Variants in TRIO observed in about 807,000 individuals in gnomAD.
TRIO encodes the protein trio Rho guanine nucleotide exchange factor.
A neutral mutation model predicts 351.9 loss-of-function variants in TRIO; 58 were observed. The observed-to-expected ratio is 0.16, with a 90% CI of 0.13 to 0.21. The LOEUF (loss-of-function observed/expected upper bound fraction) is 0.21, where lower values mean the gene tolerates loss of function less well. TRIO is among the 10% of genes least tolerant of loss of function. The pLI is 1.00. For synonymous variants in TRIO, 1,758 were observed against 1,595.7 expected, an observed-to-expected ratio of 1.10 and a Z score of -2.42; for missense variants, 3,201 against 4,027.8, an observed-to-expected ratio of 0.79 and a Z score of 5.56.
At position 14,286,790 on chromosome 5, in the gene TRIO, C is replaced by T; in HGVS notation, c.348-81C>T. On this transcript the variant is annotated intron_variant, in intron 3 of 56. Transcript: ENST00000344204. The surrounding 1 kb of genome is among the most constrained non-coding windows in gnomAD (Gnocchi z 4.4). Reference sequence around the variant, plus strand: ...GTCCAGCAGGGGAGGGAAGCTGGGTCTGTGGCACCCAGTGGGACTCTGACC... The same window carrying T: ...GTCCAGCAGGGGAGGGAAGCTGGGTTTGTGGCACCCAGTGGGACTCTGACC... 15 of 1,472,264 alleles carry T rather than the reference C, an allele frequency of 1.0e-5. No homozygotes were observed. The South Asian group carries it at 1.8e-4, about 18-fold the overall frequency. 91.2% of individuals were successfully genotyped at this position (1,472,264 alleles called of 1,614,324 possible). A position where few individuals can be genotyped will look rare whatever the true frequency, so the allele number is the denominator to read the frequency against.
intron 11 of TRIO, 133 bp from the exon 12 acceptor site, chr5:14,358,045 G>C (rs547190215): frequency 9.2e-7 from 1 of 1,089,560 alleles, no homozygotes; most frequent in Non-Finnish European, 1.3e-6. Context: ...CCTTCCCTCC[G>C]GGAGTGGTCT....
Position 14,293,126 on chromosome 5 carries a change from A to T in TRIO, c.1168A>T (p.Asn390Tyr). Residue 390 changes from asparagine (N) to tyrosine (Y), a missense_variant, in exon 6 of 57, where the codon AAC becomes TAC. Transcript: ENST00000344204. ...LQTQHNHFAM[N>Y]CMNVYVNINR... ...GACGCAGCACAATCACTTTGCCATGAACTGTATGGTAAGACACTCGGAACA... is the reference window on the plus strand; with the variant it reads ...GACGCAGCACAATCACTTTGCCATGTACTGTATGGTAAGACACTCGGAACA... The T allele has an allele frequency of 6.2e-7, 1 of 1,614,108 alleles. No individual in the cohort carries two copies. Among genetic ancestry groups the T allele is most frequent in the South Asian group, 1.1e-5 (1 of 91,086 alleles).
At chr5:14,344,028 T>G (rs1742180796) in intron 11 of TRIO, among the ~76,000 whole-genome samples, 1 of 152,254 alleles carries the variant, frequency 6.6e-6, no homozygotes, top group Admixed American at 6.5e-5. Flanking sequence ...CAGTAATTTT[T>G]GTTTAATATG....
intron 1 of TRIO, among the ~76,000 whole-genome samples, chr5:14,261,573 A>T (rs954975367): frequency 6.6e-6 from 1 of 152,182 alleles, no homozygotes; most frequent in African/African-American, 2.4e-5. Context: ...AAATCTCATA[A>T]TGAAAACATT....
intron 1 of TRIO, among the ~76,000 whole-genome samples, chr5:14,203,900 T>C (rs997932403): frequency 1.3e-5 from 2 of 152,238 alleles, no homozygotes; most frequent in Non-Finnish European, 2.9e-5. Flanking sequence ...GAGCCCTTGT[T>C]AATTGTGCAC....
At chr5:14,378,173 C>T in intron 20 of TRIO, 46 bp downstream of exon 20, 1 of 1,419,128 alleles carries the variant, frequency 7.0e-7, no homozygotes, top group Non-Finnish European at 9.8e-7. Context: ...CTCCCGTGCT[C>T]ACACCTGTCT....
intron 19 of TRIO, among the ~76,000 whole-genome samples, chr5:14,377,072 T>C (rs899718267): frequency 2.0e-5 from 3 of 152,210 alleles, no homozygotes; most frequent in Non-Finnish European, 4.4e-5. Flanking sequence ...ATGTTCCCAA[T>C]GCTTAAAAAT....
chr5:14,437,674 T>C (rs1182313135), intron 34 of TRIO, among the ~76,000 whole-genome samples: 1 of 146,750 alleles, frequency 6.8e-6, no homozygotes, highest in Non-Finnish European at 1.5e-5. Context: ...CCAGGCATAT[T>C]GGATGAGGAC....
At chr5:14,393,783 G>T (rs892216230) in intron 27 of TRIO, among the ~76,000 whole-genome samples, 95 of 152,278 alleles carry the variant, frequency 6.2e-4, no homozygotes, top group African/African-American at 2.2e-3. Context: ...GCAAATCATG[G>T]CATTAAAAGT....
intron 16 of TRIO, among the ~76,000 whole-genome samples, chr5:14,367,738 A>G (rs1214048182): frequency 6.6e-6 from 1 of 152,242 alleles, no homozygotes; most frequent in Admixed American, 6.5e-5. Flanking sequence ...GTTGTCAGCT[A>G]GAGAAGAAAG....
At chr5:14,327,110 T>C (rs1283884001) in intron 9 of TRIO, among the ~76,000 whole-genome samples, 2 of 152,242 alleles carry the variant, frequency 1.3e-5, no homozygotes, top group Non-Finnish European at 2.9e-5. Flanking sequence ...AGCTTTTATT[T>C]CCAACTTAAA....
In TRIO at chr5:14,472,123, G is replaced by T. The variant is rs140110213; in HGVS notation, c.5913-469G>T. Among the ~76,000 whole-genome samples the T allele has an allele frequency of 5.7e-3, 876 of 152,366 alleles. 7 individuals are homozygous for T. Among genetic ancestry groups the T allele is most frequent in the African/African-American group, 0.02 (825 of 41,590 alleles). The stretch of plus-strand genomic sequence containing the variant: ...ATCAAATGGTTGTCTTCTGTTATCT[G>T]AGTGGCCTTAAACGGTTACTGAATG... On this transcript the variant is annotated intron_variant, in intron 38 of 56. Coordinates refer to ENST00000344204, the MANE Select transcript of TRIO (RefSeq NM_007118.4).
rs144236504 is a variant in TRIO at position 14,368,797 on chromosome 5, C to T, written c.2964C>T (p.Cys988=). 146 of 1,614,100 alleles carry T rather than the reference C, an allele frequency of 9.0e-5. 1 individual carries two copies. The Middle Eastern group carries it at 3.5e-3, about 38-fold the overall frequency. ...NHYDMDMIRD[C]AEKVASHWQQ... ...ACGACATGGACATGATCCGGGACTG[C>T]GCCGAGAAGGTGGCGTCTCACTGGC... is the stretch of plus-strand genomic sequence containing the variant. The change falls in exon 17 of 57, where the codon TGC becomes TGT. Residue 988 remains cysteine (C), a synonymous_variant. Coordinates refer to ENST00000344204, the MANE Select transcript of TRIO (RefSeq NM_007118.4).
intron 45 of TRIO, among the ~76,000 whole-genome samples, chr5:14,482,036 G>C (rs1300030577): frequency 1.3e-5 from 2 of 152,086 alleles, no homozygotes; most frequent in East Asian, 3.9e-4. Context: ...TGAGTTGCTA[G>C]ACTATTCATA....
At chr5:14,337,351 C>T (rs247134) in intron 11 of TRIO, among the ~76,000 whole-genome samples, 132,304 of 152,252 alleles carry the variant, frequency 0.87, 57,942 homozygotes, top group African/African-American at 0.95. Context: ...TATGTAGCTT[C>T]TGAGGAAAAA....
intron 1 of TRIO, among the ~76,000 whole-genome samples, chr5:14,156,553 AC>A (rs1428466452): frequency 6.6e-6 from 1 of 152,206 alleles, no homozygotes; most frequent in Non-Finnish European, 1.5e-5. Flanking sequence ...ATACAGTACC[AC>A]AGGGTGCATT....
At chr5:14,328,071 A>G (rs1424350008) in intron 9 of TRIO, among the ~76,000 whole-genome samples, 2 of 152,272 alleles carry the variant, frequency 1.3e-5, no homozygotes, top group Non-Finnish European at 2.9e-5. Context: ...TGCATGAGTT[A>G]AAATAATGTG....
intron 1 of TRIO, among the ~76,000 whole-genome samples, chr5:14,258,368 T>C (rs1195646894): frequency 1.3e-5 from 2 of 151,990 alleles, no homozygotes. Flanking sequence ...GTGCAGAGAG[T>C]TGGCCGGTGA....
At chr5:14,421,993 C>T (rs1750204040) in intron 34 of TRIO, among the ~76,000 whole-genome samples, 1 of 152,212 alleles carries the variant, frequency 6.6e-6, no homozygotes, top group Non-Finnish European at 1.5e-5. Flanking sequence ...GGGTGCTGCC[C>T]CCACGACTGG....
Sources: allele counts gnomAD v4.1 joint callset (sites outside exome capture counted in the v4.1 genomes callset), GRCh38; gene constraint gnomAD v4.1.1; non-coding constraint Gnocchi (gnomAD v3.1); transcripts MANE v1.5; gene names NCBI Gene and HGNC (gene_info 2026-07-23, HGNC 2026-07-21).